The following ABCA13 variants were observed in gnomAD, a reference collection of about 807,000 sequenced individuals.
The protein encoded by ABCA13 is ATP-binding cassette sub-family A member 13.
Under a neutral mutation model 478.7 loss-of-function variants are expected in ABCA13, and 476 were observed. The observed-to-expected ratio is 0.99, with a 90% CI of 0.92 to 1.07. The LOEUF (loss-of-function observed/expected upper bound fraction) is 1.07, where lower values mean the gene tolerates loss of function less well. Among genes scored for constraint, ABCA13 ranks in the 50% least tolerant of loss-of-function variants. The pLI is 0.00. For synonymous variants in ABCA13, 2,252 were observed against 2,158.9 expected, an observed-to-expected ratio of 1.04 and a Z score of -1.20; for missense variants, 6,060 against 5,910.6, an observed-to-expected ratio of 1.03 and a Z score of -0.83.
intron 15 of ABCA13, among the ~76,000 whole-genome samples, chr7:48,253,885 T>G (rs1267800919): frequency 6.6e-6 from 1 of 152,116 alleles, no homozygotes; most frequent in Admixed American, 6.6e-5. Context: ...AATATTTCTT[T>G]TACCTCAATT....
chr7:48,595,207 C>T (rs1790160132), intron 58 of ABCA13, among the ~76,000 whole-genome samples: 1 of 152,172 alleles, frequency 6.6e-6, no homozygotes, highest in South Asian at 2.1e-4. Flanking sequence ...AACTAAAATA[C>T]TTAACAGGTT....
intron 1 of ABCA13, among the ~76,000 whole-genome samples, chr7:48,175,384 C>T (rs1208458408): frequency 6.6e-6 from 1 of 152,004 alleles, no homozygotes; most frequent in Non-Finnish European, 1.5e-5. Context: ...TGGGGACATT[C>T]AATATTCTCC....
rs181301485 is a variant in ABCA13 at position 48,287,863 on chromosome 7, T to G, written c.8837-97T>G. The G allele has an allele frequency of 1.5e-5, 13 of 868,184 alleles. No individual in the cohort carries two copies. In the East Asian group the frequency reaches 3.2e-4, roughly 21 times the overall value. The allele number at this position is 868,184 out of a possible 1,614,324, so 53.8% of individuals were successfully genotyped here. A position where few individuals can be genotyped will look rare whatever the true frequency, so the allele number is the denominator to read the frequency against. On this transcript the variant is annotated intron_variant, in intron 19 of 61. Coordinates refer to ENST00000435803, the MANE Select transcript of ABCA13 (RefSeq NM_152701.5). Reference sequence around the variant, plus strand: ...ATGATTTAAGAAATGTTTAGGAATTTGTATCACTTTGAATCTTTAAAAAGT... The same window carrying G: ...ATGATTTAAGAAATGTTTAGGAATTGGTATCACTTTGAATCTTTAAAAAGT...
At chr7:48,268,573 CT>C (rs1419522701) in intron 15 of ABCA13, among the ~76,000 whole-genome samples, 2 of 152,158 alleles carry the variant, frequency 1.3e-5, no homozygotes, top group Non-Finnish European at 2.9e-5. Flanking sequence ...ATTTCCTTGC[CT>C]TGTGCAGCCT....
chr7:48,563,810 G>C (rs1396241423), intron 55 of ABCA13, among the ~76,000 whole-genome samples: 1 of 114,050 alleles, frequency 8.8e-6, no homozygotes, highest in Admixed American at 9.7e-5. Flanking sequence ...GTGTGTGTGT[G>C]TGTGTGTGTG....
chr7:48,607,250 G>A (rs1268387828), intron 58 of ABCA13, among the ~76,000 whole-genome samples: 2 of 152,278 alleles, frequency 1.3e-5, no homozygotes, highest in East Asian at 3.9e-4. Flanking sequence ...CGGAGTGCAC[G>A]TTCCTACCAG....
intron 35 of ABCA13, among the ~76,000 whole-genome samples, chr7:48,386,335 C>T (rs550914375): frequency 2.0e-5 from 3 of 152,286 alleles, no homozygotes; most frequent in East Asian, 3.9e-4. Context: ...AGATTCATTG[C>T]TATTCTCATT....
chr7:48,527,538 A>G (rs1832963295), intron 54 of ABCA13, among the ~76,000 whole-genome samples: 1 of 152,206 alleles, frequency 6.6e-6, no homozygotes, highest in African/African-American at 2.4e-5. Flanking sequence ...GGCACATGAT[A>G]GAGACAAAGT....
rs1375516440 is a variant in ABCA13, at chr7:48,227,138, T to A, written c.469-124T>A. On this transcript the variant is annotated intron_variant, in intron 5 of 61. Transcript: ENST00000435803. ...CAAATCTGTTCAATGTAGTGATATA[T>A]TAAGTGTGAGTTTCTACTAGGAGAA... 4.6e-6 allele frequency: 4 copies of A among 864,084 alleles called. No individual in the cohort carries two copies. In the East Asian group the frequency reaches 9.8e-5, roughly 21 times the overall value. 53.5% of individuals were successfully genotyped at this position (864,084 alleles called of 1,614,324 possible).
chr7:48,199,684 G>A (rs768906224), intron 3 of ABCA13, among the ~76,000 whole-genome samples: 2 of 152,184 alleles, frequency 1.3e-5, no homozygotes, highest in Admixed American at 1.3e-4. Flanking sequence ...ACCCTGAAAA[G>A]TTCAATGGTC....
At chr7:48,573,274 G>A (rs1159301256) in intron 55 of ABCA13, among the ~76,000 whole-genome samples, 2 of 151,720 alleles carry the variant, frequency 1.3e-5, no homozygotes, top group African/African-American at 4.8e-5. Context: ...CTATGTTAAA[G>A]TCTATGTCTG....
In ABCA13 at chr7:48,477,257, T is replaced by C. The variant is rs1211446458; in HGVS notation, c.12976-3779T>C. Among the ~76,000 whole-genome samples the C allele has an allele frequency of 3.9e-5, 6 of 152,088 alleles. No homozygotes were observed. In the East Asian group the frequency reaches 1.2e-3, roughly 29 times the overall value. ...AGGAAACAACAGGTGCTGGAGAGGA[T>C]GTGGAGAAATAGGAACACTTTTACA... is the stretch of plus-strand genomic sequence containing the variant. On this transcript the variant is annotated intron_variant, in intron 45 of 61. Coordinates refer to ENST00000435803, the MANE Select transcript of ABCA13 (RefSeq NM_152701.5).
At chr7:48,352,821 G>A (rs1046764572) in intron 31 of ABCA13, among the ~76,000 whole-genome samples, 4 of 152,002 alleles carry the variant, frequency 2.6e-5, no homozygotes, top group Admixed American at 6.5e-5. Flanking sequence ...CTAACCTTGG[G>A]AAAACTGAGG....
Position 48,271,784 on chromosome 7 carries a change from C to T in ABCA13, c.2121-3C>T. The T allele has an allele frequency of 6.9e-7, 1 of 1,440,910 alleles. No homozygotes were observed. Among genetic ancestry groups the T allele is most frequent in the Non-Finnish European group, 9.2e-7 (1 of 1,091,768 alleles). The allele number at this position is 1,440,910 out of a possible 1,614,324, so 89.3% of individuals were successfully genotyped here. A position where few individuals can be genotyped will look rare whatever the true frequency, so the allele number is the denominator to read the frequency against. On this transcript the variant is annotated splice_region_variant and splice_polypyrimidine_tract_variant and intron_variant, in intron 16 of 61. Coordinates refer to ENST00000435803, the MANE Select transcript of ABCA13 (RefSeq NM_152701.5). ...TACTAAAATAATTCTATTAATATTA[C>T]AGGGCTTTAAATTTCACAAAGCACC... is the stretch of plus-strand genomic sequence containing the variant.
intron 9 of ABCA13, among the ~76,000 whole-genome samples, chr7:48,240,607 T>A (rs896948021): frequency 6.6e-6 from 1 of 152,188 alleles, no homozygotes; most frequent in African/African-American, 2.4e-5. Flanking sequence ...TATTCCCTTC[T>A]CTCTTTTTCT....
chr7:48,397,484 A>T (rs1816996708), intron 38 of ABCA13, among the ~76,000 whole-genome samples: 1 of 152,188 alleles, frequency 6.6e-6, no homozygotes, highest in Non-Finnish European at 1.5e-5. Flanking sequence ...TGTAAAAAAA[A>T]AAAAGAATAT....
At chr7:48,438,343 T>C (rs1223426658) in intron 42 of ABCA13, among the ~76,000 whole-genome samples, 2 of 152,112 alleles carry the variant, frequency 1.3e-5, no homozygotes, top group Non-Finnish European at 2.9e-5. Flanking sequence ...TTGGTTGCTA[T>C]AGATCTTAGA....
chr7:48,352,081 C>A, intron 30 of ABCA13, 100 bp from the exon 31 acceptor site: 1 of 1,232,582 alleles, frequency 8.1e-7, no homozygotes, highest in South Asian at 1.6e-5. Flanking sequence ...GGCTGTGAGT[C>A]TCAGGCTCCT....
At position 48,645,643 on chromosome 7, in the gene ABCA13, C is replaced by A; in HGVS notation, c.*131C>A. 1 of 738,118 alleles carries A rather than the reference C, an allele frequency of 1.4e-6. No individual in the cohort carries two copies. The highest frequency in any genetic ancestry group is 2.2e-6 in the Non-Finnish European group (1 of 457,702). The allele number at this position is 738,118 out of a possible 1,614,324, so 45.7% of individuals were successfully genotyped here. ...CAGGCCGTCAAATTATTCTCTTGTTCATTTTCTATTTTGAATCTCCTTGTT... is the reference window on the plus strand; with the variant it reads ...CAGGCCGTCAAATTATTCTCTTGTTAATTTTCTATTTTGAATCTCCTTGTT... On this transcript the variant is annotated 3_prime_UTR_variant, in exon 62 of 62. Transcript: ENST00000435803.
Sources: allele counts gnomAD v4.1 joint callset (sites outside exome capture counted in the v4.1 genomes callset), GRCh38; gene constraint gnomAD v4.1.1; transcripts MANE v1.5; gene names NCBI Gene and HGNC (gene_info 2026-07-23, HGNC 2026-07-21).